The following FAM133B variants were observed in gnomAD, a reference collection of about 807,000 sequenced individuals.
FAM133B encodes the protein family with sequence similarity 133 member B, also known as protein FAM133B.
FAM133B carries 25 observed loss-of-function variants against 46.4 expected under a neutral mutation model. The ratio of observed to expected loss-of-function variants is 0.54; its 90% CI spans 0.39 to 0.75. The LOEUF (loss-of-function observed/expected upper bound fraction) is 0.75, where lower values mean the gene tolerates loss of function less well. Among genes scored for constraint, FAM133B ranks in the 30% least tolerant of loss-of-function variants. The probability of loss-of-function intolerance (pLI) is 0.00; values close to 1 mark genes in which losing one functional copy is unlikely to be tolerated. For synonymous variants in FAM133B, 75 were observed against 86.0 expected (o/e 0.87, Z 0.71); for missense variants, 205 against 277.6 (o/e 0.74, Z 1.86).
intron 8 of FAM133B, among the ~76,000 whole-genome samples, chr7:92,572,261 T>C (rs1339952708): frequency 1.3e-5 from 2 of 152,228 alleles, no homozygotes; most frequent in Non-Finnish European, 2.9e-5. Flanking sequence ...AAATTTGCAA[T>C]AATGACATCT....
At position 92,582,292 on chromosome 7, in the gene FAM133B, ACATAACATAAAT is replaced by A. The variant is rs1338621767; in HGVS notation, c.25-701_25-690del. Among the ~76,000 whole-genome samples the A allele has an allele frequency of 6.1e-3, 565 of 92,186 alleles. 3 individuals are homozygous for A. The highest frequency in any genetic ancestry group is 0.03 in the African/African-American group (508 of 17,082). The allele number at this position is 92,186 out of a possible 152,430, so 60.5% of individuals were successfully genotyped here. On this transcript the variant is annotated intron_variant, in intron 1 of 10. Coordinates refer to ENST00000445716, the MANE Select transcript of FAM133B (RefSeq NM_152789.4). Reference sequence around the variant, plus strand: ...ACATAACATAACATAACATAACATAACATAACATAAATAACATAAAATAACATAACATAAAAT... The same window carrying A: ...ACATAACATAACATAACATAACATAAAACATAAAATAACATAACATAAAAT...
Position 92,577,704 on chromosome 7 carries a change from G to T in FAM133B, c.323C>A (p.Ser108Tyr). ...KKKSGRYSSS[S>Y]SSSSDSSSSS... Reference sequence around the variant, plus strand: ...GCTGGAAGAATCAGAGCTTGATGAAGAAGAAGATGAATACTTGACCAAGCA... The same window carrying T: ...GCTGGAAGAATCAGAGCTTGATGAATAAGAAGATGAATACTTGACCAAGCA... Residue 108 changes from serine (S) to tyrosine (Y), a missense_variant, in exon 6 of 11, where the codon TCT becomes TAT. Physicochemically the swap from Ser to Tyr is moderately radical, Grantham distance 144. Coordinates refer to ENST00000445716, the MANE Select transcript of FAM133B (RefSeq NM_152789.4). 2 of 1,580,370 alleles carry T rather than the reference G, an allele frequency of 1.3e-6. No individual in the cohort carries two copies. The highest frequency in any genetic ancestry group is 1.7e-6 in the Non-Finnish European group (2 of 1,161,892).
At chr7:92,565,536 T>A in intron 10 of FAM133B, 1 of 158,380 alleles carries the variant, frequency 6.3e-6, no homozygotes, top group Non-Finnish European at 1.4e-5. Flanking sequence ...TGATCTCAGC[T>A]CACTGCAAGC....
At chr7:92,564,829 T>C (rs1585294640) in intron 10 of FAM133B, among the ~76,000 whole-genome samples, 1 of 152,260 alleles carries the variant, frequency 6.6e-6, no homozygotes, top group African/African-American at 2.4e-5. Context: ...CCATTTTCTC[T>C]TGGTTGATCT....
chr7:92,590,035 G>A, intron 1 of FAM133B: 1 of 605,538 alleles, frequency 1.7e-6, no homozygotes, highest in African/African-American at 1.9e-5. Context: ...GCCAGAAAGA[G>A]CGACGAGGTG....
chr7:92,567,347 C>T (rs1562889167), intron 9 of FAM133B, among the ~76,000 whole-genome samples: 1 of 152,196 alleles, frequency 6.6e-6, no homozygotes, highest in Admixed American at 6.5e-5. Flanking sequence ...TAATACAACA[C>T]TAATACATTA....
chr7:92,565,137 G>A (rs981888730), intron 10 of FAM133B, among the ~76,000 whole-genome samples: 2 of 148,534 alleles, frequency 1.3e-5, no homozygotes, highest in Admixed American at 1.4e-4. Flanking sequence ...ACAGAAATTT[G>A]AGCTTATATT....
chr7:92,567,003 G>A (rs1794371064), intron 9 of FAM133B, among the ~76,000 whole-genome samples: 2 of 152,166 alleles, frequency 1.3e-5, no homozygotes, highest in African/African-American at 4.8e-5. Context: ...TTGAGGCCAG[G>A]AGTTCAAGAC....
chr7:92,581,399 A>G, intron 2 of FAM133B, 107 bp downstream of exon 2: 1 of 851,478 alleles, frequency 1.2e-6, no homozygotes, highest in East Asian at 2.7e-5. Context: ...TAAAAAAATT[A>G]CTTATCTGGC....
intron 10 of FAM133B, among the ~76,000 whole-genome samples, chr7:92,564,857 T>A (rs1794287560): frequency 6.6e-6 from 1 of 152,248 alleles, no homozygotes; most frequent in Admixed American, 6.5e-5. Context: ...GTTTGGATAC[T>A]ACTTCTATTT....
chr7:92,588,826 T>C (rs537974154), intron 1 of FAM133B, among the ~76,000 whole-genome samples: 1 of 151,130 alleles, frequency 6.6e-6, no homozygotes, highest in East Asian at 1.9e-4. Context: ...CGTCCCTCTC[T>C]TGGTCCCGCT....
intron 7 of FAM133B, 34 bp from the exon 8 acceptor site, chr7:92,575,855 G>A: frequency 9.9e-7 from 1 of 1,015,186 alleles, no homozygotes; most frequent in Non-Finnish European, 1.5e-6. Context: ...AATTTTAAAT[G>A]CCAAGGACAC....
Position 92,582,924 on chromosome 7 carries a change from G to C in FAM133B, c.25-1321C>G, listed in dbSNP as rs1384380236. On this transcript the variant is annotated intron_variant, in intron 1 of 10. Transcript: ENST00000445716. ...TGTGGCCACTGTGGAAAACAGTTTA[G>C]TGGTCCCTCAAAAAGTTAAACATAG... Among the ~76,000 whole-genome samples, 6 of 152,322 alleles carry C rather than the reference G, an allele frequency of 3.9e-5. 1 individual carries two copies. In the East Asian group the frequency reaches 9.6e-4, roughly 24 times the overall value.
intron 2 of FAM133B, among the ~76,000 whole-genome samples, chr7:92,579,971 G>A (rs552675872): frequency 8.5e-5 from 13 of 152,262 alleles, no homozygotes; most frequent in African/African-American, 2.4e-4. Context: ...ACTTGAATTC[G>A]GAGGATTCTT....
At chr7:92,575,251 G>A (rs988539134) in intron 8 of FAM133B, among the ~76,000 whole-genome samples, 1 of 152,186 alleles carries the variant, frequency 6.6e-6, no homozygotes, top group African/African-American at 2.4e-5. Context: ...CGAGGCAGGC[G>A]CATCACCTGA....
At chr7:92,578,510 G>T in intron 3 of FAM133B, 117 bp from the exon 4 acceptor site, 1 of 880,450 alleles carries the variant, frequency 1.1e-6, no homozygotes, top group Non-Finnish European at 1.8e-6. Flanking sequence ...ACCCATTTCA[G>T]CTTCTAATTA....
At chr7:92,571,412 G>C (rs1562891071) in intron 8 of FAM133B, among the ~76,000 whole-genome samples, 1 of 152,076 alleles carries the variant, frequency 6.6e-6, no homozygotes, top group Admixed American at 6.5e-5. Context: ...ATTCTTAGAA[G>C]TTTTTCTTAG....
chr7:92,563,867 T>C (rs537218871), intron 10 of FAM133B, among the ~76,000 whole-genome samples: 15 of 152,338 alleles, frequency 9.8e-5, no homozygotes, highest in Admixed American at 3.3e-4. Context: ...AAGTTCAAAA[T>C]GTATCTCAAA....
intron 8 of FAM133B, among the ~76,000 whole-genome samples, chr7:92,571,100 G>A (rs1329642604): frequency 6.6e-6 from 1 of 152,146 alleles, no homozygotes. Context: ...TAAAAACAAA[G>A]TTGAAATAGA....
Sources: allele counts gnomAD v4.1 joint callset (sites outside exome capture counted in the v4.1 genomes callset), GRCh38; gene constraint gnomAD v4.1.1; transcripts MANE v1.5; gene names NCBI Gene and HGNC (gene_info 2026-07-23, HGNC 2026-07-21).